The following PHKA1 variants were observed in gnomAD, a reference collection of about 807,000 sequenced individuals.
PHKA1 encodes the protein phosphorylase b kinase regulatory subunit alpha, skeletal muscle isoform.
In PHKA1, 60 loss-of-function variants were observed where a neutral mutation model predicts 110.2. That is an observed-to-expected ratio of 0.54 (90% CI 0.44 to 0.68). The LOEUF is 0.68. Ranked by LOEUF, PHKA1 falls within the 30% of genes least tolerant of loss-of-function variation. The pLI, the probability that PHKA1 is intolerant of heterozygous loss-of-function variation, is 0.00. For missense variants in PHKA1, 801 were observed against 942.5 expected (o/e 0.85, Z 1.97); for synonymous variants, 316 against 333.6 (o/e 0.95, Z 0.58).
At chrX:72,588,725 A>T (rs1205836376) in intron 29 of PHKA1, among the ~76,000 whole-genome samples, 2 of 111,639 alleles carry the variant, frequency 1.8e-5, no homozygotes, top group East Asian at 5.6e-4. Flanking sequence ...AATAGACACA[A>T]TAAAAAATGA....
At chrX:72,672,280 C>T (rs781830761) in intron 6 of PHKA1, among the ~76,000 whole-genome samples, 31 of 111,962 alleles carry the variant, frequency 2.8e-4, no homozygotes, top group African/African-American at 9.7e-4. Flanking sequence ...GGCCTTTGGA[C>T]CTGTGATGGA....
At position 72,579,499 on chromosome X, in the gene PHKA1, A is replaced by C. The variant is rs1343761664; in HGVS notation, c.*1503T>G. 1.8e-5 allele frequency: 2 copies of C among 111,726 alleles called. No homozygotes were observed. Among genetic ancestry groups the C allele is most frequent in the Non-Finnish European group, 3.8e-5 (2 of 53,181 alleles). 9.2% of individuals were successfully genotyped at this position (111,726 alleles called of 1,213,427 possible). ...AAAGGGAAGTTAACAGAGTCTCTGC[A>C]CAATTCAGAAGAAGGAGAGTTAGAA... On this transcript the variant is annotated 3_prime_UTR_variant, in exon 32 of 32. Transcript: ENST00000373542.
At position 72,657,622 on chromosome X, in the gene PHKA1, C is replaced by T. The variant is rs782075403; in HGVS notation, c.884G>A (p.Arg295His). The T allele has an allele frequency of 2.5e-6, 3 of 1,206,398 alleles. No individual in the cohort carries two copies. The highest frequency in any genetic ancestry group is 3.4e-6 in the Non-Finnish European group (3 of 892,553). ...TKLQGRYGCC[R>H]FLRDGYKTPK... is the part of the protein sequence containing the mutation. Reference sequence around the variant, plus strand: ...AGTTTTATATCCATCTCGTAGAAAGCGACAGCAACCATAACGACCCTGGGA... The same window carrying T: ...AGTTTTATATCCATCTCGTAGAAAGTGACAGCAACCATAACGACCCTGGGA... The change falls in exon 9 of 32, where the codon CGC becomes CAC. Residue 295 changes from arginine (R) to histidine (H), a missense_variant. This residue lies in a region of PHKA1 where 299 missense variants were observed against 423.3 expected (regional missense o/e 0.71). Transcript: ENST00000373542.
At chrX:72,585,291 A>T (rs1416047985) in intron 29 of PHKA1, among the ~76,000 whole-genome samples, 1 of 111,680 alleles carries the variant, frequency 9.0e-6, no homozygotes, top group Non-Finnish European at 1.9e-5. Context: ...CAGCTATAAA[A>T]TTTTTTTAAC....
In PHKA1 at chrX:72,623,107, A is replaced by G; in HGVS notation, c.1960+2T>C. 8.3e-7 allele frequency: 1 copy of G among 1,211,180 alleles called. No homozygotes were observed. Among genetic ancestry groups the G allele is most frequent in the African/African-American group, 1.7e-5 (1 of 57,796 alleles). ...GGCCAGTGCTTTATGAAGCCTCCTTACCATGACTGGTTGAATCATAATCAT... is the reference window on the plus strand; with the variant it reads ...GGCCAGTGCTTTATGAAGCCTCCTTGCCATGACTGGTTGAATCATAATCAT... On this transcript the variant is annotated splice_donor_variant, in intron 18 of 31. Transcript: ENST00000373542. LOFTEE classifies it high-confidence loss of function.
intron 2 of PHKA1, among the ~76,000 whole-genome samples, chrX:72,710,955 G>C (rs1485221903): frequency 9.4e-6 from 1 of 106,244 alleles, no homozygotes; most frequent in South Asian, 4.2e-4. Context: ...TCCGCCTCCC[G>C]GGTTCACGCC....
At chrX:72,662,838 C>T (rs1271233353) in intron 8 of PHKA1, among the ~76,000 whole-genome samples, 2 of 110,991 alleles carry the variant, frequency 1.8e-5, no homozygotes, top group Non-Finnish European at 3.8e-5. Flanking sequence ...TAACTGTGTC[C>T]ACCTAGAACC....
At chrX:72,636,039 T>C (rs1475971031) in intron 15 of PHKA1, among the ~76,000 whole-genome samples, 1 of 112,043 alleles carries the variant, frequency 8.9e-6, no homozygotes, top group Non-Finnish European at 1.9e-5. Flanking sequence ...CTAGCATTTG[T>C]AAAATCCTTA....
chrX:72,615,040 A>G (rs781784054), intron 21 of PHKA1, among the ~76,000 whole-genome samples: 21 of 112,470 alleles, frequency 1.9e-4, no homozygotes, highest in Non-Finnish European at 3.2e-4. Context: ...AAAGAAGCAA[A>G]TAACATATAA....
rs1376278087 is a variant in PHKA1 at position 72,580,200 on chromosome X, G to T, written c.*802C>A. The T allele has an allele frequency of 8.9e-6, 1 of 111,918 alleles. No homozygotes were observed. Among genetic ancestry groups the T allele is most frequent in the Non-Finnish European group, 1.9e-5 (1 of 53,225 alleles). 9.2% of individuals were successfully genotyped at this position (111,918 alleles called of 1,213,427 possible). A position where few individuals can be genotyped will look rare whatever the true frequency, so the allele number is the denominator to read the frequency against. On this transcript the variant is annotated 3_prime_UTR_variant, in exon 32 of 32. Coordinates refer to ENST00000373542, the MANE Select transcript of PHKA1 (RefSeq NM_002637.4). ...CTTCCTCTCTGGAATTGGGCTCCGGGCTCCATTTCTGGGTTATTCTGCATT... is the reference window on the plus strand; with the variant it reads ...CTTCCTCTCTGGAATTGGGCTCCGGTCTCCATTTCTGGGTTATTCTGCATT...
intron 29 of PHKA1, among the ~76,000 whole-genome samples, chrX:72,589,202 A>C (rs1400168041): frequency 8.9e-6 from 1 of 112,054 alleles, no homozygotes; most frequent in African/African-American, 3.2e-5. Context: ...AACCGAATCC[A>C]GTAGCACATC....
In PHKA1 at chrX:72,616,235, G is replaced by A. The variant is rs1047672285; in HGVS notation, c.2369+2475C>T. On this transcript the variant is annotated intron_variant, in intron 21 of 31. Transcript: ENST00000373542. ...AATTAAAAATCAGCTGGCCATGGTG[G>A]CATGCACCTGTGGTCCCAGCTACTC... 2.4e-3 allele frequency among the ~76,000 whole-genome samples: 264 copies of A among 111,591 alleles called. 1 individual carries two copies. The highest frequency in any genetic ancestry group is 2.8e-3 in the Non-Finnish European group (148 of 53,062).
chrX:72,586,746 T>A lies in PHKA1; in HGVS notation c.3244-2444A>T, dbSNP rs183545821. On this transcript the variant is annotated intron_variant, in intron 29 of 31. Coordinates refer to ENST00000373542, the MANE Select transcript of PHKA1 (RefSeq NM_002637.4). ...GGAGAGAAGACCTTAAGTGACCTGA[T>A]GGAGCTGCAAACCACGGCACAAGAA... is the stretch of plus-strand genomic sequence containing the variant. Among the ~76,000 whole-genome samples, 9 of 110,214 alleles carry A rather than the reference T, an allele frequency of 8.2e-5. No homozygotes were observed. In the East Asian group the frequency reaches 2.6e-3, roughly 32 times the overall value.
chrX:72,710,042 CAAAAAAAAAAAAA>C (rs374071163), intron 2 of PHKA1, among the ~76,000 whole-genome samples: 4 of 19,259 alleles, frequency 2.1e-4, no homozygotes, highest in South Asian at 4.1e-3. Context: ...ACTTAGTCTT[CAAAAAAAAAAAAA>C]AAAAAAAAAA....
At chrX:72,607,498 C>T (rs1360266339) in intron 23 of PHKA1, among the ~76,000 whole-genome samples, 2 of 111,827 alleles carry the variant, frequency 1.8e-5, no homozygotes, top group Non-Finnish European at 3.8e-5. Context: ...TTTTCATATG[C>T]CTGTTTGCCA....
chrX:72,693,619 G>A (rs1279016481), intron 4 of PHKA1, among the ~76,000 whole-genome samples: 1 of 111,944 alleles, frequency 8.9e-6, no homozygotes, highest in Non-Finnish European at 1.9e-5. Flanking sequence ...TAATAGTGAA[G>A]TGGGCCAAGG....
At chrX:72,710,987 G>A (rs2054370953) in intron 2 of PHKA1, among the ~76,000 whole-genome samples, 1 of 106,104 alleles carries the variant, frequency 9.4e-6, no homozygotes, top group Non-Finnish European at 1.9e-5. Flanking sequence ...TCAGCCTCCC[G>A]AGTAGCTGGG....
At chrX:72,688,529 G>T (rs782202741) in intron 4 of PHKA1, among the ~76,000 whole-genome samples, 24 of 112,047 alleles carry the variant, frequency 2.1e-4, no homozygotes, top group Non-Finnish European at 3.6e-4. Context: ...TACCATTTAT[G>T]TCCTTTTGCT....
intron 4 of PHKA1, among the ~76,000 whole-genome samples, chrX:72,690,011 T>C (rs1237370331): frequency 8.9e-6 from 1 of 112,238 alleles, no homozygotes; most frequent in Non-Finnish European, 1.9e-5. Flanking sequence ...CTGAACATCT[T>C]TTTGGAGGAA....
Sources: allele counts gnomAD v4.1 joint callset (sites outside exome capture counted in the v4.1 genomes callset), GRCh38; gene constraint gnomAD v4.1.1; regional missense constraint gnomAD v4.1.1; transcripts MANE v1.5; gene names NCBI Gene and HGNC (gene_info 2026-07-23, HGNC 2026-07-21).